Variants in SCART1 observed in about 807,000 individuals in gnomAD.
SCART1 encodes scavenger receptor family member expressed on T cells 1.
SCART1 carries 62 observed loss-of-function variants against 36.2 expected under a neutral mutation model. That is an observed-to-expected ratio of 1.71 (90% CI 1.40 to 2.12). The LOEUF (loss-of-function observed/expected upper bound fraction) is 2.12. SCART1 is among the 30% of genes most tolerant of loss of function. SCART1 has a pLI of 0.00. For missense variants in SCART1, 1,041 were observed against 540.5 expected, an observed-to-expected ratio of 1.93 and a Z score of -9.18; for synonymous variants, 487 against 238.7, an observed-to-expected ratio of 2.04 and a Z score of -9.59.
intron 9 of SCART1, chr10:133,465,886 T>G: frequency 1.5e-6 from 1 of 683,472 alleles, no homozygotes; most frequent in Non-Finnish European, 2.7e-6. Flanking sequence ...AAACAAACAG[T>G]TAACCACAGT....
At chr10:133,454,568 A>G (rs1850585029) in intron 1 of SCART1, among the ~76,000 whole-genome samples, 1 of 151,514 alleles carries the variant, frequency 6.6e-6, no homozygotes, top group Non-Finnish European at 1.5e-5. Flanking sequence ...AGGTGTAGAG[A>G]GGGGGGTCTA....
intron 10 of SCART1, among the ~76,000 whole-genome samples, chr10:133,466,708 A>G (rs140060484): frequency 4.1e-4 from 63 of 152,338 alleles, no homozygotes; most frequent in African/African-American, 1.5e-3. Flanking sequence ...ATGTAGGACA[A>G]TTGCTTAAGG....
chr10:133,466,355 C>T (rs778818745), exon 10 of SCART1: 3 of 702,998 alleles, frequency 4.3e-6, no homozygotes, highest in South Asian at 3.0e-5. Flanking sequence ...CTGATTCTGC[C>T]TCGAGTCACA....
At chr10:133,467,973 A>G (rs985937960) in exon 12 of SCART1, 32 of 686,294 alleles carry the variant, frequency 4.7e-5, no homozygotes, top group African/African-American at 3.2e-4. Flanking sequence ...TTGTAAAGCA[A>G]CCTGAGGATG....
chr10:133,454,782 C>T lies in SCART1; in HGVS notation c.67+718C>T, dbSNP rs117475482. ...GTGCTGGACGGAGCCACATCCCCAG[C>T]GGTGGGGTGGAAGTCTGTGGGCAGC... On this transcript the variant is annotated intron_variant, in intron 1 of 11. Coordinates refer to ENST00000640237, the Ensembl canonical transcript of SCART1. Among the ~76,000 whole-genome samples, 214 of 151,974 alleles carry T rather than the reference C, an allele frequency of 1.4e-3. 5 individuals carry two copies. In the East Asian group the frequency reaches 0.04, roughly 28 times the overall value.
intron 5 of SCART1, 55 bp downstream of exon 5, chr10:133,459,381 G>C: frequency 1.6e-6 from 1 of 616,322 alleles, no homozygotes; most frequent in Non-Finnish European, 2.9e-6. Flanking sequence ...ATGGACAGAG[G>C]AGTGCAAGGA....
intron 3 of SCART1, 84 bp from the exon 4 acceptor site, chr10:133,458,276 G>A (rs1850644479): frequency 1.4e-6 from 1 of 701,678 alleles, no homozygotes; most frequent in African/African-American, 1.7e-5. Flanking sequence ...GCTCCTGGCT[G>A]AAGCCTTCCG....
chr10:133,465,852 C>T lies in SCART1; in HGVS notation c.2659+287C>T, dbSNP rs1461887758. The stretch of plus-strand genomic sequence containing the variant: ...TGGGTGTTGGCAGGTTCAGTTGTTC[C>T]CTGCACCTCATTCTCTTTGCAGAAA... On this transcript the variant is annotated intron_variant, in intron 9 of 11. Transcript: ENST00000640237. 5.8e-6 allele frequency: 4 copies of T among 692,992 alleles called. No homozygotes were observed. In the South Asian group the frequency reaches 6.0e-5, roughly 10 times the overall value. 42.9% of individuals were successfully genotyped at this position (692,992 alleles called of 1,614,324 possible).
downstream of SCART1, chr10:133,469,322 C>T (rs531418663): frequency 3.9e-5 from 6 of 152,114 alleles, no homozygotes; most frequent in Admixed American, 1.3e-4. Flanking sequence ...TTCTCCCATC[C>T]CGTAGGTTGC....
At chr10:133,455,502 G>T (rs1407542385) in intron 1 of SCART1, among the ~76,000 whole-genome samples, 1 of 151,860 alleles carries the variant, frequency 6.6e-6, no homozygotes, top group East Asian at 1.9e-4. Context: ...AGTCCTCCAG[G>T]GGCCCTGGAG....
At chr10:133,454,802 G>A (rs1371861480) in intron 1 of SCART1, among the ~76,000 whole-genome samples, 2 of 152,090 alleles carry the variant, frequency 1.3e-5, no homozygotes, top group Non-Finnish European at 2.9e-5. Context: ...GAAGTCTGTG[G>A]GCAGCTGCAG....
intron 9 of SCART1, 64 bp downstream of exon 9, chr10:133,465,629 C>T: frequency 3.4e-6 from 2 of 595,912 alleles, no homozygotes; most frequent in Non-Finnish European, 5.9e-6. Flanking sequence ...TGGAGTCAGT[C>T]TTGAGTGTCA....
At chr10:133,456,621 CTGGGAGGACGCA>C (rs1564833450) in intron 2 of SCART1, 67 bp downstream of exon 2, 50 of 594,502 alleles carry the variant, frequency 8.4e-5, no homozygotes, top group Non-Finnish European at 1.2e-4. Context: ...AGGAGGAGGA[CTGGGAGGACGCA>C]GAGGAGGACT....
intron 10 of SCART1, among the ~76,000 whole-genome samples, chr10:133,466,609 C>T (rs1048254958): frequency 6.6e-6 from 1 of 152,254 alleles, no homozygotes; most frequent in Non-Finnish European, 1.5e-5. Context: ...AAGCCATGTC[C>T]ATGCCTTGGA....
exon 4 of SCART1, chr10:133,458,454 G>A (rs1406521708): frequency 1.4e-6 from 1 of 697,206 alleles, no homozygotes; most frequent in South Asian, 1.5e-5. Flanking sequence ...CCCTGGACCT[G>A]GCCACGGCCC....
exon 5 of SCART1, chr10:133,459,297 C>T (rs1013103006): frequency 1.1e-5 from 7 of 645,624 alleles, no homozygotes; most frequent in African/African-American, 5.4e-5. Flanking sequence ...GCCTGTGCCC[C>T]GGGAAACACA....
chr10:133,464,831 T>C, exon 7 of SCART1: 1 of 702,738 alleles, frequency 1.4e-6, no homozygotes, highest in Non-Finnish European at 2.6e-6. Context: ...CAACATCGAG[T>C]GCCGCAGGCT....
intron 2 of SCART1, among the ~76,000 whole-genome samples, chr10:133,456,886 G>A (rs930875814): frequency 6.6e-6 from 1 of 152,164 alleles, no homozygotes; most frequent in Non-Finnish European, 1.5e-5. Flanking sequence ...AGCTGATGAT[G>A]GTTTCTTAGA....
exon 6 of SCART1, chr10:133,459,699 C>A: frequency 2.9e-6 from 2 of 700,212 alleles, no homozygotes; most frequent in Non-Finnish European, 5.2e-6. Context: ...GGCGCTGAGC[C>A]GCGTGCGCTG....
Sources: gnomAD v4.1 joint callset for allele counts (sites outside exome capture counted in the v4.1 genomes callset) on GRCh38, gnomAD v4.1.1 for gene constraint, MANE v1.5 for transcripts, NCBI Gene and HGNC (gene_info 2026-07-23, HGNC 2026-07-21) for gene names.